GAP43: variants seen among roughly 807,000 people sequenced by gnomAD.
GAP43 encodes neuromodulin.
In GAP43, 6 loss-of-function variants were observed where a neutral mutation model predicts 18.6. The ratio of observed to expected loss-of-function variants is 0.32; its 90% CI spans 0.18 to 0.64. The LOEUF is 0.64. Ranked by LOEUF, GAP43 falls within the 30% of genes least tolerant of loss-of-function variation. GAP43 has a pLI of 0.78. For missense variants in GAP43, 292 were observed against 295.5 expected (o/e 0.99, Z 0.09); for synonymous variants, 115 against 111.4 (o/e 1.03, Z -0.20).
intron 1 of GAP43, among the ~76,000 whole-genome samples, chr3:115,642,256 A>G (rs996810405): frequency 2.0e-5 from 3 of 152,006 alleles, no homozygotes; most frequent in African/African-American, 7.2e-5. Flanking sequence ...ACTCTTACTC[A>G]TCTTATTTTT....
chr3:115,712,147 C>A (rs972698612), intron 2 of GAP43, among the ~76,000 whole-genome samples: 1 of 152,060 alleles, frequency 6.6e-6, no homozygotes, highest in African/African-American at 2.4e-5. Context: ...AAAAAAATAT[C>A]TCTGGGTTTT....
rs1036758257 is a variant in GAP43 at position 115,652,395 on chromosome 3, T to C, written c.31-23618T>C. ...TTTTTTTTTTTTTTTTGTGATAGAGTCTTGCTCTGTTGAGTCTTGCTCTGT... is the reference window on the plus strand; with the variant it reads ...TTTTTTTTTTTTTTTTGTGATAGAGCCTTGCTCTGTTGAGTCTTGCTCTGT... On this transcript the variant is annotated intron_variant, in intron 1 of 2. Coordinates refer to ENST00000305124, the MANE Select transcript of GAP43 (RefSeq NM_002045.4). 4.1e-5 allele frequency among the ~76,000 whole-genome samples: 5 copies of C among 123,394 alleles called. 1 individual carries two copies. Among genetic ancestry groups the C allele is most frequent in the Admixed American group, 1.0e-4 (1 of 9,878 alleles). 81.0% of individuals were successfully genotyped at this position (123,394 alleles called of 152,430 possible).
chr3:115,628,689 C>T (rs1451577294), intron 1 of GAP43, among the ~76,000 whole-genome samples: 1 of 152,026 alleles, frequency 6.6e-6, no homozygotes, highest in Non-Finnish European at 1.5e-5. Context: ...CAGATAAGAC[C>T]CTGCTCAGTC....
chr3:115,665,507 G>T (rs76928015), intron 1 of GAP43, among the ~76,000 whole-genome samples: 8,041 of 152,124 alleles, frequency 0.053, 470 homozygotes, highest in African/African-American at 0.14. Flanking sequence ...TGGCACACTT[G>T]CTTAGCCTTC....
At chr3:115,687,252 G>C (rs1369423725) in intron 2 of GAP43, among the ~76,000 whole-genome samples, 1 of 152,038 alleles carries the variant, frequency 6.6e-6, no homozygotes, top group African/African-American at 2.4e-5. Flanking sequence ...AAGAGTCAAT[G>C]CCAATCGATC....
intron 1 of GAP43, among the ~76,000 whole-genome samples, chr3:115,653,583 TA>T (rs1388244260): frequency 7.9e-5 from 12 of 152,212 alleles, no homozygotes; most frequent in Admixed American, 6.5e-4. Context: ...CTGCGCCTCC[TA>T]AAACTTTTAT....
chr3:115,701,501 G>A (rs1306548916), intron 2 of GAP43, among the ~76,000 whole-genome samples: 1 of 151,804 alleles, frequency 6.6e-6, no homozygotes, highest in African/African-American at 2.4e-5. Flanking sequence ...CTTCTGCTTG[G>A]TTTACATTAC....
intron 2 of GAP43, among the ~76,000 whole-genome samples, chr3:115,719,225 G>T (rs565056741): frequency 1.3e-5 from 2 of 151,760 alleles, no homozygotes; most frequent in African/African-American, 4.8e-5. Flanking sequence ...AATAACAATA[G>T]CTCCATTTTA....
chr3:115,707,476 AG>A (rs946923882), intron 2 of GAP43, among the ~76,000 whole-genome samples: 4 of 152,104 alleles, frequency 2.6e-5, no homozygotes, highest in African/African-American at 9.6e-5. Flanking sequence ...TTATTTGTAG[AG>A]GCTGAGTCTC....
intron 2 of GAP43, among the ~76,000 whole-genome samples, chr3:115,678,776 G>C (rs1417192979): frequency 6.6e-6 from 1 of 151,926 alleles, no homozygotes; most frequent in Non-Finnish European, 1.5e-5. Flanking sequence ...AATAGGTGAA[G>C]TTCAACTTGA....
intron 2 of GAP43, among the ~76,000 whole-genome samples, chr3:115,689,395 C>T (rs955910628): frequency 6.6e-6 from 1 of 152,108 alleles, no homozygotes; most frequent in African/African-American, 2.4e-5. Context: ...CTCTGACTGG[C>T]CAATAATATG....
intron 1 of GAP43, among the ~76,000 whole-genome samples, chr3:115,669,496 A>G (rs1708782256): frequency 6.6e-6 from 1 of 152,230 alleles, no homozygotes; most frequent in Non-Finnish European, 1.5e-5. Flanking sequence ...AGCTCTAAGT[A>G]AAATAGACAA....
At chr3:115,695,698 G>A (rs1418260155) in intron 2 of GAP43, among the ~76,000 whole-genome samples, 1 of 152,052 alleles carries the variant, frequency 6.6e-6, no homozygotes, top group Non-Finnish European at 1.5e-5. Context: ...CCTATTCTGC[G>A]TTTAATCCAC....
At chr3:115,641,036 T>TTTTTTTTTTTTTTTTTTTG (rs1708388719) in intron 1 of GAP43, among the ~76,000 whole-genome samples, 1 of 143,606 alleles carries the variant, frequency 7.0e-6, no homozygotes. Flanking sequence ...TTTTTTTTTT[T>TTTTTTTTTTTTTTTTTTTG]CTTTTTTTTT....
intron 2 of GAP43, among the ~76,000 whole-genome samples, chr3:115,707,819 T>C (rs565789258): frequency 6.6e-6 from 1 of 152,292 alleles, no homozygotes; most frequent in East Asian, 1.9e-4. Context: ...AGAATAGCAT[T>C]GGGGTTCCTT....
chr3:115,660,225 G>A (rs1432689756), intron 1 of GAP43, among the ~76,000 whole-genome samples: 2 of 152,148 alleles, frequency 1.3e-5, no homozygotes, highest in African/African-American at 2.4e-5. Flanking sequence ...GGCCAGCGGA[G>A]AAGTTTGGTG....
chr3:115,663,486 C>A (rs750378439), intron 1 of GAP43: 1 of 1,148,084 alleles, frequency 8.7e-7, no homozygotes, highest in Non-Finnish European at 1.1e-6. Flanking sequence ...GTATTGCTTT[C>A]CCTGCTCTCT....
At chr3:115,628,217 T>G (rs2107463602) in intron 1 of GAP43, among the ~76,000 whole-genome samples, 1 of 152,098 alleles carries the variant, frequency 6.6e-6, no homozygotes, top group East Asian at 1.9e-4. Context: ...GCCTTCTGCT[T>G]GTGCTCTTGC....
At chr3:115,645,524 C>A (rs376556159) in intron 1 of GAP43, among the ~76,000 whole-genome samples, 1 of 151,876 alleles carries the variant, frequency 6.6e-6, no homozygotes, top group Non-Finnish European at 1.5e-5. Context: ...CTTCATTGTA[C>A]CTGGTCATTC....
Sources: gnomAD v4.1 joint callset for allele counts (sites outside exome capture counted in the v4.1 genomes callset) on GRCh38, gnomAD v4.1.1 for gene constraint, MANE v1.5 for transcripts, NCBI Gene and HGNC (gene_info 2026-07-23, HGNC 2026-07-21) for gene names.